Variants in MBP observed in about 807,000 individuals in gnomAD.
MBP encodes the protein myelin basic protein.
MBP carries 16 observed loss-of-function variants against 35.8 expected under a neutral mutation model. The observed-to-expected ratio is 0.45, with a 90% CI of 0.30 to 0.68. MBP has a LOEUF of 0.68. Ranked by LOEUF, MBP falls within the 30% of genes least tolerant of loss-of-function variation. MBP has a pLI of 0.08. For missense variants in MBP, 380 were observed against 404.7 expected (o/e 0.94, Z 0.52); for synonymous variants, 143 against 159.6 (o/e 0.90, Z 0.78).
At chr18:77,041,096 C>A (rs1352967506) in intron 3 of MBP, among the ~76,000 whole-genome samples, 1 of 152,110 alleles carries the variant, frequency 6.6e-6, no homozygotes. Flanking sequence ...AAAAAAACAA[C>A]CCCATCAAAA....
intron 2 of MBP, among the ~76,000 whole-genome samples, chr18:77,073,182 A>AT (rs1215176016): frequency 2.6e-5 from 4 of 152,172 alleles, no homozygotes; most frequent in Non-Finnish European, 5.9e-5. Flanking sequence ...TTCATCTTAC[A>AT]TATTTTTGCT....
chr18:77,116,367 C>T (rs1976660513), intron 1 of MBP, among the ~76,000 whole-genome samples: 1 of 152,204 alleles, frequency 6.6e-6, no homozygotes, highest in Non-Finnish European at 1.5e-5. Flanking sequence ...CTTCGCAGGA[C>T]ACATTAGAAA....
At chr18:77,105,567 A>T (rs1279273037) in intron 1 of MBP, among the ~76,000 whole-genome samples, 1 of 152,184 alleles carries the variant, frequency 6.6e-6, no homozygotes, top group Non-Finnish European at 1.5e-5. Flanking sequence ...AGATCTGTGT[A>T]TATGTACAGA....
intron 4 of MBP, chr18:77,015,618 C>T (rs1971581881): frequency 1.0e-6 from 1 of 985,324 alleles, no homozygotes; most frequent in South Asian, 4.7e-5. Flanking sequence ...CCTGAAATCT[C>T]AACTCAGACA....
At chr18:77,122,943 C>A (rs559582641) in intron 1 of MBP, among the ~76,000 whole-genome samples, 1 of 152,344 alleles carries the variant, frequency 6.6e-6, no homozygotes, top group East Asian at 1.9e-4. Context: ...AGAAAGCCAG[C>A]AGCATTTTGT....
intron 2 of MBP, among the ~76,000 whole-genome samples, chr18:77,092,338 C>A (rs1975566224): frequency 6.6e-6 from 1 of 152,226 alleles, no homozygotes. Flanking sequence ...ATGCGCTCCC[C>A]ACCCCAGGAA....
rs1220716270 is a variant in MBP, at chr18:76,984,629, A to G, written c.870+146T>C. 3 of 1,060,434 alleles carry G rather than the reference A, an allele frequency of 2.8e-6. No homozygotes were observed. The East Asian group carries it at 7.5e-5, about 26-fold the overall frequency. The allele number at this position is 1,060,434 out of a possible 1,614,324, so 65.7% of individuals were successfully genotyped here. On this transcript the variant is annotated intron_variant, in intron 8 of 8. Transcript: ENST00000355994. ...AAATGCGGGTGGGCAATGCCACCTG[A>G]GCCCCTGCACGCCTGCTGGGACAGA...
chr18:77,003,423 C>G (rs887336283), intron 4 of MBP: 1 of 152,160 alleles, frequency 6.6e-6, no homozygotes, highest in African/African-American at 2.4e-5. Flanking sequence ...TTGCTTTTTA[C>G]TCTTTTTACC....
intron 2 of MBP, 30 bp downstream of exon 2, chr18:77,105,181 G>GA: frequency 1.9e-6 from 3 of 1,608,996 alleles, no homozygotes; most frequent in Non-Finnish European, 2.6e-6. Flanking sequence ...AAAACAACAT[G>GA]CACATGTTTC....
At chr18:77,132,200 C>G (rs931207483) in intron 1 of MBP, among the ~76,000 whole-genome samples, 1 of 152,164 alleles carries the variant, frequency 6.6e-6, no homozygotes, top group Non-Finnish European at 1.5e-5. Context: ...TTCAGCGACC[C>G]TGGGACCGCC....
chr18:76,998,950 A>C (rs1676421145), intron 4 of MBP, among the ~76,000 whole-genome samples: 1 of 150,352 alleles, frequency 6.7e-6, no homozygotes, highest in Non-Finnish European at 1.5e-5. Flanking sequence ...GTGTCAGCGG[A>C]TTTTAAGAGC....
intron 3 of MBP, among the ~76,000 whole-genome samples, chr18:77,050,910 A>C (rs1973462451): frequency 6.6e-6 from 1 of 152,126 alleles, no homozygotes; most frequent in Non-Finnish European, 1.5e-5. Context: ...CCACTCTCTC[A>C]TCCTACCCGG....
rs1185742354 is a variant in MBP, at chr18:77,066,371, G to A, written c.66C>T (p.Asn22=). 6.2e-7 allele frequency: 1 copy of A among 1,610,486 alleles called. No individual in the cohort carries two copies. The highest frequency in any genetic ancestry group is 8.5e-7 in the Non-Finnish European group (1 of 1,176,756). The change falls in exon 3 of 9, where the codon AAC becomes AAT. Residue 22 remains asparagine, a synonymous_variant. Transcript: ENST00000355994. ...AEKASTNSET[N]RGESEKKRNL... ...TTCTCTTTTTTTCAGATTCTCCTCT[G>A]TTAGTTTCACTATTCTGGAAAAAGA...
intron 4 of MBP, chr18:77,006,674 C>T (rs1457048900): frequency 3.3e-5 from 5 of 152,314 alleles, no homozygotes; most frequent in South Asian, 2.1e-4. Flanking sequence ...ACTGTGCTCC[C>T]GCTGCCTGCC....
At chr18:77,115,848 C>T (rs1011720894) in intron 1 of MBP, 4 of 152,184 alleles carry the variant, frequency 2.6e-5, no homozygotes, top group African/African-American at 9.7e-5. Flanking sequence ...CCTTTCAGAA[C>T]CTTCTGGAAT....
At chr18:77,001,510 C>A (rs1469343899) in intron 4 of MBP, among the ~76,000 whole-genome samples, 1 of 152,206 alleles carries the variant, frequency 6.6e-6, no homozygotes, top group African/African-American at 2.4e-5. Context: ...TTTGGAGACA[C>A]AAGGAGAAGT....
chr18:77,075,777 G>A (rs894428852), intron 2 of MBP, among the ~76,000 whole-genome samples: 3 of 152,080 alleles, frequency 2.0e-5, no homozygotes, highest in Non-Finnish European at 2.9e-5. Context: ...CCGCACTAAT[G>A]GGGACTTCCA....
intron 3 of MBP, among the ~76,000 whole-genome samples, chr18:77,037,792 C>T (rs552892316): frequency 3.3e-5 from 5 of 152,150 alleles, no homozygotes; most frequent in African/African-American, 9.7e-5. Flanking sequence ...GACAGCAGGA[C>T]GGTACCAAGT....
chr18:77,014,698 C>A, intron 4 of MBP: 1 of 985,428 alleles, frequency 1.0e-6, no homozygotes, highest in Non-Finnish European at 1.2e-6. Flanking sequence ...CCCATGTTTA[C>A]AACACTTTGT....
Sources: allele counts gnomAD v4.1 joint callset (sites outside exome capture counted in the v4.1 genomes callset), GRCh38; gene constraint gnomAD v4.1.1; transcripts MANE v1.5; gene names NCBI Gene and HGNC (gene_info 2026-07-23, HGNC 2026-07-21).